ULK2: variants seen among roughly 807,000 people sequenced by gnomAD.
The protein encoded by ULK2 is serine/threonine-protein kinase ULK2.
ULK2 carries 76 observed loss-of-function variants against 127.5 expected under a neutral mutation model. That is an observed-to-expected ratio of 0.60 (90% CI 0.50 to 0.72). ULK2 has a LOEUF of 0.72. Among genes scored for constraint, ULK2 ranks in the 30% least tolerant of loss-of-function variants. The probability of loss-of-function intolerance (pLI) is 0.00; values close to 1 mark genes in which losing one functional copy is unlikely to be tolerated. For missense variants in ULK2, 1,144 were observed against 1,295.9 expected (o/e 0.88, Z 1.80); for synonymous variants, 452 against 461.9 (o/e 0.98, Z 0.28).
chr17:19,815,056 ACT>A (rs959458270), intron 13 of ULK2, among the ~76,000 whole-genome samples: 2 of 152,070 alleles, frequency 1.3e-5, no homozygotes, highest in African/African-American at 4.8e-5. Flanking sequence ...TCATGCTGGC[ACT>A]CTAAAAGTTT....
At position 19,804,832 on chromosome 17, in the gene ULK2, TGCAATCGTAATTTATTGAAAAAGGAAA is replaced by T. The variant is rs781435851; in HGVS notation, c.1158-29_1158-3del. The T allele has an allele frequency of 1.2e-6, 2 of 1,610,206 alleles. No individual in the cohort carries two copies. The highest frequency in any genetic ancestry group is 1.7e-6 in the Non-Finnish European group (2 of 1,178,462). On this transcript the variant is annotated splice_region_variant and splice_polypyrimidine_tract_variant and intron_variant, in intron 14 of 26. Transcript: ENST00000395544. ...GGTGACACAGTAGGCTGACACTGCC[TGCAATCGTAATTTATTGAAAAAGGAAA>T]GAAACAGTGGTAGGATTGTTTTTCT...
chr17:19,857,782 C>T (rs1048859673), intron 3 of ULK2, among the ~76,000 whole-genome samples: 8 of 152,118 alleles, frequency 5.3e-5, no homozygotes, highest in East Asian at 1.9e-4. Flanking sequence ...AGATAAAGAT[C>T]AGATCTGGCT....
At position 19,826,133 on chromosome 17, in the gene ULK2, A is replaced by G; in HGVS notation, c.835+6T>C. ...TTAAGTGAAAATACAAAAAATGGAT[A>G]CTCACATTTTTTTACTGGACCTTGC... is the stretch of plus-strand genomic sequence containing the variant. On this transcript the variant is annotated splice_donor_region_variant and intron_variant, in intron 11 of 26. Coordinates refer to ENST00000395544, the MANE Select transcript of ULK2 (RefSeq NM_014683.4). 6.9e-7 allele frequency: 1 copy of G among 1,439,262 alleles called. No homozygotes were observed. The highest frequency in any genetic ancestry group is 9.2e-7 in the Non-Finnish European group (1 of 1,082,382). The allele number at this position is 1,439,262 out of a possible 1,614,324, so 89.2% of individuals were successfully genotyped here. A position where few individuals can be genotyped will look rare whatever the true frequency, so the allele number is the denominator to read the frequency against.
chr17:19,845,436 TATC>T (rs2041858104), intron 6 of ULK2, 59 bp from the exon 7 acceptor site: 1 of 1,263,090 alleles, frequency 7.9e-7, no homozygotes, highest in Non-Finnish European at 1.2e-6. Flanking sequence ...ACCTAACATA[TATC>T]ATATGATTCT....
Position 19,796,259 on chromosome 17 carries a change from A to C in ULK2, c.1833T>G (p.Pro611=). The C allele has an allele frequency of 6.2e-7, 1 of 1,610,574 alleles. No individual in the cohort carries two copies. The highest frequency in any genetic ancestry group is 8.5e-7 in the Non-Finnish European group (1 of 1,179,488). The change falls in exon 19 of 27, where the codon CCT becomes CCG. Residue 611 remains proline (P), a synonymous_variant. Transcript: ENST00000395544. ...ACAGGTTGGAAGATGCTTGAGTTTT[A>C]GGGATTTTGAAAGGAGCTGTGGTCT... ...PTKTTAPFKI[P]KTQASSNLLA...
At chr17:19,802,443 T>G (rs1053435676) in intron 15 of ULK2, among the ~76,000 whole-genome samples, 8 of 152,176 alleles carry the variant, frequency 5.3e-5, no homozygotes, top group Non-Finnish European at 8.8e-5. Flanking sequence ...TATAAGATTA[T>G]GAAAAATAAG....
At chr17:19,821,408 T>A (rs539168489) in intron 12 of ULK2, among the ~76,000 whole-genome samples, 2 of 82,854 alleles carry the variant, frequency 2.4e-5, no homozygotes, top group East Asian at 5.6e-4. Flanking sequence ...AGTTTTTTTA[T>A]TGTTTGTAAT....
chr17:19,779,329 A>G (rs1287302764), intron 25 of ULK2, among the ~76,000 whole-genome samples: 1 of 151,874 alleles, frequency 6.6e-6, no homozygotes, highest in African/African-American at 2.4e-5. Context: ...TCAAGAGTTC[A>G]AGACCAAGCC....
chr17:19,856,360 G>A (rs281330), intron 3 of ULK2, among the ~76,000 whole-genome samples: 8,451 of 149,132 alleles, frequency 0.057, 401 homozygotes, highest in East Asian at 0.25. Context: ...AGGCAGGCGG[G>A]TCACGAGGTC....
intron 22 of ULK2, among the ~76,000 whole-genome samples, chr17:19,783,271 T>C (rs2086957852): frequency 6.6e-6 from 1 of 151,764 alleles, no homozygotes; most frequent in African/African-American, 2.4e-5. Context: ...GCCAACATGG[T>C]GAAACCCCGT....
At chr17:19,858,783 A>T (rs759798041) in intron 3 of ULK2, among the ~76,000 whole-genome samples, 1 of 152,194 alleles carries the variant, frequency 6.6e-6, no homozygotes, top group Non-Finnish European at 1.5e-5. Flanking sequence ...CAGCCTAGCC[A>T]ACATGGTGAA....
intron 21 of ULK2, among the ~76,000 whole-genome samples, chr17:19,784,513 CTTTTTTTTTTTT>C (rs563736244): frequency 8.9e-5 from 4 of 45,060 alleles, no homozygotes; most frequent in East Asian, 8.5e-4. Flanking sequence ...GGACATGATA[CTTTTTTTTTTTT>C]TTTTTTTTTT....
intron 3 of ULK2, among the ~76,000 whole-genome samples, chr17:19,852,919 G>C (rs1258526014): frequency 6.6e-6 from 1 of 151,908 alleles, no homozygotes; most frequent in African/African-American, 2.4e-5. Context: ...CAAAGTGCTG[G>C]GATTACAGGC....
intron 15 of ULK2, among the ~76,000 whole-genome samples, chr17:19,803,214 G>A (rs764309383): frequency 2.8e-5 from 4 of 145,246 alleles, no homozygotes; most frequent in Admixed American, 6.7e-5. Flanking sequence ...CTTGGAACTA[G>A]AACAATCATA....
At chr17:19,840,567 TTA>T in intron 9 of ULK2, 3 of 239,818 alleles carry the variant, frequency 1.3e-5, no homozygotes, top group East Asian at 1.2e-4. Flanking sequence ...TATTAATCAT[TTA>T]AAAAAAAAAA....
At chr17:19,792,750 A>G (rs1176446325) in intron 20 of ULK2, among the ~76,000 whole-genome samples, 1 of 152,166 alleles carries the variant, frequency 6.6e-6, no homozygotes, top group Non-Finnish European at 1.5e-5. Context: ...AAACAAAAAA[A>G]AACCCAGCCA....
intron 23 of ULK2, among the ~76,000 whole-genome samples, chr17:19,781,489 C>T (rs900677845): frequency 1.3e-5 from 2 of 152,116 alleles, no homozygotes; most frequent in East Asian, 1.9e-4. Flanking sequence ...CTCAAGCAAT[C>T]CTTCTGCCCC....
At chr17:19,792,706 A>T (rs1322458685) in intron 20 of ULK2, among the ~76,000 whole-genome samples, 6 of 152,136 alleles carry the variant, frequency 3.9e-5, no homozygotes, top group Non-Finnish European at 8.8e-5. Context: ...TGGGCGACAG[A>T]GCGAGACTCC....
rs1344834405 is a variant in ULK2 at position 19,773,629 on chromosome 17, G to A, written c.*2720C>T. 1 of 152,268 alleles carries A rather than the reference G, an allele frequency of 6.6e-6. No homozygotes were observed. The highest frequency in any genetic ancestry group is 1.5e-5 in the Non-Finnish European group (1 of 68,072). 9.4% of individuals were successfully genotyped at this position (152,268 alleles called of 1,614,324 possible). A position where few individuals can be genotyped will look rare whatever the true frequency, so the allele number is the denominator to read the frequency against. On this transcript the variant is annotated 3_prime_UTR_variant, in exon 27 of 27. Coordinates refer to ENST00000395544, the MANE Select transcript of ULK2 (RefSeq NM_014683.4). ...TGTTGCAAATGCTGAGTGGAGAGGAGAAAGCCTCAGCAGAGAGGCGAGCTG... is the reference window on the plus strand; with the variant it reads ...TGTTGCAAATGCTGAGTGGAGAGGAAAAAGCCTCAGCAGAGAGGCGAGCTG...
Sources: allele counts gnomAD v4.1 joint callset (sites outside exome capture counted in the v4.1 genomes callset), GRCh38; gene constraint gnomAD v4.1.1; transcripts MANE v1.5; gene names NCBI Gene and HGNC (gene_info 2026-07-23, HGNC 2026-07-21).